ANKRD45: variants seen among roughly 807,000 people sequenced by gnomAD.
ANKRD45 encodes the protein ankyrin repeat domain 45.
ANKRD45 carries 21 observed loss-of-function variants against 28.1 expected under a neutral mutation model. That is an observed-to-expected ratio of 0.75 (90% CI 0.53 to 1.08). ANKRD45 has a LOEUF of 1.08. ANKRD45 is among the 50% of genes least tolerant of loss of function. The pLI is 0.00. For synonymous variants in ANKRD45, 86 were observed against 103.9 expected, an observed-to-expected ratio of 0.83 and a Z score of 1.05; for missense variants, 261 against 308.7, an observed-to-expected ratio of 0.85 and a Z score of 1.16.
the ANKRD45 span, among the ~76,000 whole-genome samples, chr1:173,687,781 C>T: frequency 2.6e-5 from 4 of 152,212 alleles, no homozygotes; most frequent in East Asian, 3.9e-4. Flanking sequence ...ATTTTCCTAA[C>T]TCTGCTTCTA....
At chr1:173,628,701 G>A (rs960022184) in intron 3 of ANKRD45, among the ~76,000 whole-genome samples, 1 of 152,198 alleles carries the variant, frequency 6.6e-6, no homozygotes, top group Non-Finnish European at 1.5e-5. Context: ...CCAGAGCCTG[G>A]GGGAACTTGT....
chr1:173,657,922 G>C (rs55686412), intron 2 of ANKRD45: 3 of 151,392 alleles, frequency 2.0e-5, no homozygotes, highest in Admixed American at 6.6e-5. Context: ...TATTATACTA[G>C]AATTTTAATT....
chr1:173,661,677 T>G (rs531598388), intron 1 of ANKRD45, among the ~76,000 whole-genome samples: 2 of 152,286 alleles, frequency 1.3e-5, no homozygotes, highest in Admixed American at 1.3e-4. Context: ...TCTAAATTAG[T>G]GTGAATTGGG....
At chr1:173,655,140 G>C (rs549868097) in intron 2 of ANKRD45, among the ~76,000 whole-genome samples, 9 of 152,208 alleles carry the variant, frequency 5.9e-5, no homozygotes, top group South Asian at 4.1e-4. Flanking sequence ...TTGTTCCGTT[G>C]CTGGTGAAGA....
At chr1:173,659,613 G>A (rs1428777230) in intron 1 of ANKRD45, among the ~76,000 whole-genome samples, 180 bp from the exon 2 acceptor site, 1 of 152,110 alleles carries the variant, frequency 6.6e-6, no homozygotes, top group Non-Finnish European at 1.5e-5. Flanking sequence ...TACCTATTAT[G>A]AGTAGGTACA....
At chr1:173,667,706 TAAA>T (rs76892513) in intron 1 of ANKRD45, 1 of 370,892 alleles carries the variant, frequency 2.7e-6, no homozygotes, top group South Asian at 2.1e-5. Context: ...GACCCCATCT[TAAA>T]AAAAAAAAGA....
the ANKRD45 span, among the ~76,000 whole-genome samples, chr1:173,677,300 T>C: frequency 6.6e-6 from 1 of 152,126 alleles, no homozygotes; most frequent in Non-Finnish European, 1.5e-5. Flanking sequence ...TTTATAAATA[T>C]ATAAAATTTT....
intron 3 of ANKRD45, among the ~76,000 whole-genome samples, chr1:173,636,371 A>G (rs1668442544): frequency 6.6e-6 from 1 of 152,220 alleles, no homozygotes; most frequent in Non-Finnish European, 1.5e-5. Flanking sequence ...AATAGATGAC[A>G]CCATAGTTTG....
upstream of ANKRD45, among the ~76,000 whole-genome samples, chr1:173,674,513 C>G (rs1396479202): frequency 1.3e-5 from 2 of 152,096 alleles, no homozygotes; most frequent in East Asian, 3.8e-4. Context: ...AGAGCAGTCC[C>G]CAAGGTGGTT....
the ANKRD45 span, among the ~76,000 whole-genome samples, chr1:173,710,783 T>C: frequency 6.6e-6 from 1 of 152,118 alleles, no homozygotes; most frequent in Non-Finnish European, 1.5e-5. Context: ...AACCAATTAT[T>C]ATATTAGAGA....
At chr1:173,655,610 G>A (rs1669468332) in intron 2 of ANKRD45, among the ~76,000 whole-genome samples, 1 of 152,228 alleles carries the variant, frequency 6.6e-6, no homozygotes, top group Non-Finnish European at 1.5e-5. Flanking sequence ...CAGACGCCAT[G>A]CTGGGAGAAC....
At chr1:173,655,217 C>T (rs1242125979) in intron 2 of ANKRD45, among the ~76,000 whole-genome samples, 1 of 152,146 alleles carries the variant, frequency 6.6e-6, no homozygotes, top group African/African-American at 2.4e-5. Flanking sequence ...TCGGTTTCTC[C>T]CCATATTTGT....
At chr1:173,712,869 C>T in the ANKRD45 span, among the ~76,000 whole-genome samples, 1 of 152,152 alleles carries the variant, frequency 6.6e-6, no homozygotes, top group South Asian at 2.1e-4. Context: ...TGTTAGAACA[C>T]AGATTACTGG....
chr1:173,647,825 G>A (rs149034942), intron 2 of ANKRD45, among the ~76,000 whole-genome samples: 68 of 152,166 alleles, frequency 4.5e-4, no homozygotes, highest in Non-Finnish European at 8.8e-5. Flanking sequence ...TCACTCTGTT[G>A]CCCAGTTTAG....
At chr1:173,646,789 AT>A in intron 3 of ANKRD45, 56 bp downstream of exon 3, 5 of 1,551,402 alleles carry the variant, frequency 3.2e-6, no homozygotes, top group Non-Finnish European at 4.4e-6. Flanking sequence ...CCTGTAACTC[AT>A]AGGAGAAAAA....
chr1:173,635,898 CATA>C (rs1668416546), intron 3 of ANKRD45: 3 of 1,270,758 alleles, frequency 2.4e-6, no homozygotes, highest in Middle Eastern at 2.0e-4. Flanking sequence ...GGGTTTAGAA[CATA>C]ATATTACTAG....
At chr1:173,655,728 C>G (rs184333092) in intron 2 of ANKRD45, among the ~76,000 whole-genome samples, 1 of 152,350 alleles carries the variant, frequency 6.6e-6, no homozygotes, top group East Asian at 1.9e-4. Flanking sequence ...ACAGAGGCAG[C>G]AGGCCTTGCT....
chr1:173,634,028 C>T (rs560943607), intron 3 of ANKRD45, among the ~76,000 whole-genome samples: 1 of 152,042 alleles, frequency 6.6e-6, no homozygotes, highest in East Asian at 1.9e-4. Flanking sequence ...GCAAAGGAAA[C>T]AATCAACGAA....
At chr1:173,697,787 A>C in the ANKRD45 span, among the ~76,000 whole-genome samples, 1 of 152,212 alleles carries the variant, frequency 6.6e-6, no homozygotes, top group African/African-American at 2.4e-5. Flanking sequence ...CTAACGTCAT[A>C]ATGACAGGAT....
Sources: allele counts gnomAD v4.1 joint callset (sites outside exome capture counted in the v4.1 genomes callset), GRCh38; gene constraint gnomAD v4.1.1; transcripts MANE v1.5; gene names NCBI Gene and HGNC (gene_info 2026-07-23, HGNC 2026-07-21).